TNFAIP8: variants seen among roughly 807,000 people sequenced by gnomAD.
The protein encoded by TNFAIP8 is tumor necrosis factor alpha-induced protein 8.
A neutral mutation model predicts 13.3 loss-of-function variants in TNFAIP8; 7 were observed. The ratio of observed to expected loss-of-function variants is 0.52; its 90% CI spans 0.30 to 0.99. TNFAIP8 has a LOEUF of 0.99. TNFAIP8 is among the 50% of genes least tolerant of loss of function. The probability of loss-of-function intolerance (pLI) is 0.07; values close to 1 mark genes in which losing one functional copy is unlikely to be tolerated. For synonymous variants in TNFAIP8, 94 were observed against 87.6 expected, an observed-to-expected ratio of 1.07 and a Z score of -0.41; for missense variants, 258 against 236.9, an observed-to-expected ratio of 1.09 and a Z score of -0.58.
chr5:119,312,604 G>A (rs1340144191), intron 1 of TNFAIP8, among the ~76,000 whole-genome samples: 1 of 151,586 alleles, frequency 6.6e-6, no homozygotes, highest in Admixed American at 6.6e-5. Flanking sequence ...TAAAGTTTAG[G>A]AAATAAGAAT....
chr5:119,346,728 T>A (rs975651262), intron 1 of TNFAIP8, among the ~76,000 whole-genome samples: 1 of 152,246 alleles, frequency 6.6e-6, no homozygotes, highest in Non-Finnish European at 1.5e-5. Context: ...TAGTCATTCA[T>A]GCAAGCATCT....
chr5:119,377,543 G>A (rs968576211), intron 1 of TNFAIP8, among the ~76,000 whole-genome samples: 1 of 152,068 alleles, frequency 6.6e-6, no homozygotes, highest in Non-Finnish European at 1.5e-5. Flanking sequence ...TTTCTCCTGG[G>A]ATCATTGTAA....
At chr5:119,315,854 TCA>T in intron 1 of TNFAIP8, among the ~76,000 whole-genome samples, 2 of 152,280 alleles carry the variant, frequency 1.3e-5, no homozygotes, top group South Asian at 4.1e-4. Context: ...CTGGGTGTCT[TCA>T]CACACACAGA....
chr5:119,325,812 C>G (rs1292221674), intron 1 of TNFAIP8, among the ~76,000 whole-genome samples: 3 of 152,214 alleles, frequency 2.0e-5, no homozygotes, highest in African/African-American at 7.2e-5. Flanking sequence ...CAGCCCCTGT[C>G]CCCTCCTTCC....
intron 1 of TNFAIP8, among the ~76,000 whole-genome samples, chr5:119,297,865 CTTCT>C (rs1234045923): frequency 6.6e-6 from 1 of 152,132 alleles, no homozygotes; most frequent in Admixed American, 6.5e-5. Flanking sequence ...GTGTAATGGC[CTTCT>C]TTGTCTCTTT....
chr5:119,345,922 GAGA>G (rs1750885137), intron 1 of TNFAIP8, among the ~76,000 whole-genome samples: 1 of 152,208 alleles, frequency 6.6e-6, no homozygotes, highest in South Asian at 2.1e-4. Flanking sequence ...TTAAGAAAAA[GAGA>G]AGTAGTTCAC....
chr5:119,320,885 T>TA (rs142803638), intron 1 of TNFAIP8, among the ~76,000 whole-genome samples: 118 of 147,222 alleles, frequency 8.0e-4, no homozygotes, highest in African/African-American at 1.2e-3. Flanking sequence ...CTTAACCTGC[T>TA]AAAAAAAAAA....
chr5:119,386,722 A>C (rs1331701731), intron 1 of TNFAIP8, among the ~76,000 whole-genome samples: 1 of 152,226 alleles, frequency 6.6e-6, no homozygotes, highest in Non-Finnish European at 1.5e-5. Flanking sequence ...ATATACCCCA[A>C]AATGTGCATT....
intron 1 of TNFAIP8, among the ~76,000 whole-genome samples, chr5:119,288,375 TATTCCTAAAA>T (rs1748867696): frequency 6.6e-6 from 1 of 152,226 alleles, no homozygotes; most frequent in African/African-American, 2.4e-5. Context: ...CAGCATCATC[TATTCCTAAAA>T]GGCACGGTCT....
In TNFAIP8 at chr5:119,361,297, A is replaced by G. The variant is rs577904194; in HGVS notation, c.31+5176A>G. Among the ~76,000 whole-genome samples the G allele has an allele frequency of 6.6e-5, 10 of 152,354 alleles. No homozygotes were observed. In the East Asian group the frequency reaches 1.7e-3, roughly 26 times the overall value. ...TGCTTAAATTTTATTCTAAAAGTTT[A>G]TAAGCCTTGAAGAAGAGGTACAGGG... On this transcript the variant is annotated intron_variant, in intron 1 of 1. Transcript: ENST00000504771.
chr5:119,367,839 T>C (rs1751918637), intron 1 of TNFAIP8, among the ~76,000 whole-genome samples: 1 of 151,992 alleles, frequency 6.6e-6, no homozygotes, highest in African/African-American at 2.4e-5. Flanking sequence ...TGCTTTCTCA[T>C]TTTTTTTCAG....
At chr5:119,328,566 G>T (rs1291472057) in intron 1 of TNFAIP8, among the ~76,000 whole-genome samples, 1 of 152,184 alleles carries the variant, frequency 6.6e-6, no homozygotes, top group Non-Finnish European at 1.5e-5. Context: ...GCAGAACTTG[G>T]TGAGTAAGTG....
chr5:119,390,438 A>G (rs1752848083), intron 1 of TNFAIP8, among the ~76,000 whole-genome samples: 2 of 152,168 alleles, frequency 1.3e-5, no homozygotes, highest in Admixed American at 1.3e-4. Context: ...ATTAATCTTT[A>G]TACTCTTTTG....
chr5:119,351,920 G>C (rs1205921798), upstream of TNFAIP8, among the ~76,000 whole-genome samples: 2 of 151,586 alleles, frequency 1.3e-5, no homozygotes, highest in African/African-American at 4.9e-5. Context: ...CTCACAAGTA[G>C]CTGGGATTAC....
chr5:119,373,812 C>A lies in TNFAIP8; in HGVS notation c.31+17691C>A, dbSNP rs577942694. Among the ~76,000 whole-genome samples the A allele has an allele frequency of 2.6e-5, 4 of 152,274 alleles. No individual in the cohort carries two copies. In the South Asian group the frequency reaches 8.3e-4, roughly 32 times the overall value. ...AGTTCCTTTTCAGTGTCCTTGGAGT[C>A]CTTGACATCATTCACAGAGAATGCC... On this transcript the variant is annotated intron_variant, in intron 1 of 1. Coordinates refer to ENST00000504771, the MANE Select transcript of TNFAIP8 (RefSeq NM_014350.4).
intron 1 of TNFAIP8, among the ~76,000 whole-genome samples, chr5:119,276,110 T>C (rs1748434847): frequency 6.6e-6 from 1 of 151,548 alleles, no homozygotes; most frequent in South Asian, 2.1e-4. Flanking sequence ...TTCGTTAAGT[T>C]CTGTTTTTTT....
chr5:119,301,299 A>G lies in TNFAIP8; in HGVS notation c.1+32392A>G, dbSNP rs1561990966. On this transcript the variant is annotated intron_variant, in intron 1 of 1. Coordinates refer to the TNFAIP8 transcript ENST00000274456. ...GCACTCTATGCTTATGCCATCTAGAATATTCCACAATTCTTACCCCTCTGT... is the reference window on the plus strand; with the variant it reads ...GCACTCTATGCTTATGCCATCTAGAGTATTCCACAATTCTTACCCCTCTGT... Among the ~76,000 whole-genome samples the G allele has an allele frequency of 2.6e-5, 4 of 152,302 alleles. No homozygotes were observed. In the East Asian group the frequency reaches 5.8e-4, roughly 22 times the overall value.
intron 1 of TNFAIP8, among the ~76,000 whole-genome samples, chr5:119,310,208 T>A (rs1356290379): frequency 6.6e-6 from 1 of 152,144 alleles, no homozygotes; most frequent in Non-Finnish European, 1.5e-5. Context: ...GAAACAGATG[T>A]CACTCTTTCG....
At chr5:119,324,939 A>G (rs1750176238) in intron 1 of TNFAIP8, among the ~76,000 whole-genome samples, 1 of 152,150 alleles carries the variant, frequency 6.6e-6, no homozygotes, top group Admixed American at 6.5e-5. Context: ...TCGGTTTTAA[A>G]GATTGCATTA....
Sources: allele counts gnomAD v4.1 joint callset (sites outside exome capture counted in the v4.1 genomes callset), GRCh38; gene constraint gnomAD v4.1.1; transcripts MANE v1.5; gene names NCBI Gene and HGNC (gene_info 2026-07-23, HGNC 2026-07-21).